Variants in SMARCB1 observed in about 807,000 individuals in gnomAD.
The protein encoded by SMARCB1 is SWI/SNF-related matrix-associated actin-dependent regulator of chromatin subfamily B member 1.
In SMARCB1, 5 loss-of-function variants were observed where a neutral mutation model predicts 49.0. The observed-to-expected ratio is 0.10, with a 90% CI of 0.05 to 0.21. The LOEUF (loss-of-function observed/expected upper bound fraction) is 0.21. Among genes scored for constraint, SMARCB1 ranks in the 10% least tolerant of loss-of-function variants. SMARCB1 has a pLI of 1.00. For missense variants in SMARCB1, 226 were observed against 509.2 expected (o/e 0.44, Z 5.35); for synonymous variants, 201 against 200.1 (o/e 1.00, Z -0.04).
At chr22:23,812,531 A>G (rs1929939729) in intron 5 of SMARCB1, among the ~76,000 whole-genome samples, 1 of 152,210 alleles carries the variant, frequency 6.6e-6, no homozygotes, top group Non-Finnish European at 1.5e-5. Flanking sequence ...AAAAAAAGAA[A>G]AATACAGACC....
At chr22:23,822,034 G>C (rs9612468) in intron 6 of SMARCB1, among the ~76,000 whole-genome samples, 1 of 152,100 alleles carries the variant, frequency 6.6e-6, no homozygotes, top group Non-Finnish European at 1.5e-5. Flanking sequence ...GACGTCCTTT[G>C]TCTTGATCCT....
Position 23,836,725 on chromosome 22 carries a change from C to T in SMARCB1, c.*2545C>T. 1 of 1,357,246 alleles carries T rather than the reference C, an allele frequency of 7.4e-7. No homozygotes were observed. Among genetic ancestry groups the T allele is most frequent in the Non-Finnish European group, 9.4e-7 (1 of 1,060,814 alleles). The allele number at this position is 1,357,246 out of a possible 1,614,324, so 84.1% of individuals were successfully genotyped here. A position where few individuals can be genotyped will look rare whatever the true frequency, so the allele number is the denominator to read the frequency against. On this transcript the variant is annotated 3_prime_UTR_variant, in exon 9 of 9. Transcript: ENST00000644036. The stretch of plus-strand genomic sequence containing the variant: ...GAGATGGGGAAGCCAGTGCTGTGGG[C>T]CAAGAGACTGCAGCTCATTCTGTTT...
At chr22:23,819,792 G>A (rs550998965) in intron 6 of SMARCB1, among the ~76,000 whole-genome samples, 6 of 151,578 alleles carry the variant, frequency 4.0e-5, no homozygotes, top group Admixed American at 4.0e-4. Context: ...AGGGGTTCCA[G>A]TTTCTCCACA....
At chr22:23,788,177 T>A (rs1443917002) in intron 1 of SMARCB1, among the ~76,000 whole-genome samples, 1 of 152,058 alleles carries the variant, frequency 6.6e-6, no homozygotes, top group Non-Finnish European at 1.5e-5. Flanking sequence ...CCCGGCCATA[T>A]ATTAGGTTTT....
chr22:23,802,832 C>T (rs746444888), intron 4 of SMARCB1: 5 of 306,406 alleles, frequency 1.6e-5, no homozygotes, highest in South Asian at 3.0e-5. Context: ...CTTCGACACC[C>T]GCTAGCTTTG....
intron 5 of SMARCB1, among the ~76,000 whole-genome samples, chr22:23,809,945 C>T (rs1483360165): frequency 2.7e-5 from 4 of 150,664 alleles, no homozygotes; most frequent in Admixed American, 1.3e-4. Flanking sequence ...CCGAGGCGGG[C>T]GGATCACGAG....
chr22:23,800,856 G>C, intron 3 of SMARCB1, 88 bp from the exon 4 acceptor site: 2 of 1,023,100 alleles, frequency 2.0e-6, no homozygotes, highest in Non-Finnish European at 3.1e-6. Flanking sequence ...CAGAGGTACA[G>C]TGGGCATCCC....
chr22:23,811,516 AGAATT>A (rs1223268364), intron 5 of SMARCB1, among the ~76,000 whole-genome samples: 3 of 152,264 alleles, frequency 2.0e-5, no homozygotes, highest in Non-Finnish European at 4.4e-5. Context: ...ACAAATTTAA[AGAATT>A]GAAACCATAC....
At chr22:23,828,649 C>CA (rs1443487998) in intron 7 of SMARCB1, among the ~76,000 whole-genome samples, 2 of 151,452 alleles carry the variant, frequency 1.3e-5, no homozygotes, top group Admixed American at 6.6e-5. Context: ...GACTCCATCT[C>CA]AAAAAAAAGG....
intron 7 of SMARCB1, among the ~76,000 whole-genome samples, chr22:23,827,015 A>T (rs949591354): frequency 1.3e-5 from 2 of 152,090 alleles, no homozygotes; most frequent in Non-Finnish European, 2.9e-5. Flanking sequence ...GCGTGCATTC[A>T]CCCTGCACAG....
chr22:23,792,567 C>T (rs538274751), intron 2 of SMARCB1: 46 of 171,044 alleles, frequency 2.7e-4, no homozygotes, highest in African/African-American at 7.4e-4. Flanking sequence ...CTGCTTCCCA[C>T]GTGGCAATGG....
At chr22:23,797,418 C>G (rs1568939590) in intron 3 of SMARCB1, among the ~76,000 whole-genome samples, 2 of 151,448 alleles carry the variant, frequency 1.3e-5, no homozygotes, top group Non-Finnish European at 2.9e-5. Flanking sequence ...ACACCATTCT[C>G]CTGCCTCAGC....
At chr22:23,794,651 C>T (rs1358395604) in intron 3 of SMARCB1, among the ~76,000 whole-genome samples, 1 of 152,170 alleles carries the variant, frequency 6.6e-6, no homozygotes, top group African/African-American at 2.4e-5. Context: ...GTAATCCCAG[C>T]AGTTTGGGAG....
chr22:23,814,520 CTGGGCGTGG>C (rs781007898), intron 5 of SMARCB1, among the ~76,000 whole-genome samples: 6 of 151,684 alleles, frequency 4.0e-5, no homozygotes, highest in Non-Finnish European at 8.8e-5. Context: ...ACACAATTAG[CTGGGCGTGG>C]TGGCGCATGC....
At chr22:23,794,791 G>A (rs1006033922) in intron 3 of SMARCB1, among the ~76,000 whole-genome samples, 2 of 152,014 alleles carry the variant, frequency 1.3e-5, no homozygotes, top group Non-Finnish European at 2.9e-5. Context: ...CCAGCTACTC[G>A]GGAGCCTGAG....
intron 7 of SMARCB1, among the ~76,000 whole-genome samples, chr22:23,831,861 G>A (rs1178809626): frequency 6.6e-6 from 1 of 152,190 alleles, no homozygotes; most frequent in African/African-American, 2.4e-5. Flanking sequence ...TGCTGGCCAG[G>A]GACCAGCTGT....
rs1178388843 is a variant in SMARCB1 at position 23,789,538 on chromosome 22, A to G, written c.94-2218A>G. On this transcript the variant is annotated intron_variant, in intron 1 of 8. Coordinates refer to ENST00000644036, the MANE Select transcript of SMARCB1 (RefSeq NM_003073.5). Reference sequence around the variant, plus strand: ...GCTCTGCCTTGCTGTCGTGTTTCTCATGTGTATAATGTGATGCTTAGACTA... The same window carrying G: ...GCTCTGCCTTGCTGTCGTGTTTCTCGTGTGTATAATGTGATGCTTAGACTA... 5.3e-5 allele frequency among the ~76,000 whole-genome samples: 8 copies of G among 152,190 alleles called. No individual in the cohort carries two copies. In the East Asian group the frequency reaches 1.3e-3, roughly 26 times the overall value.
intron 3 of SMARCB1, among the ~76,000 whole-genome samples, chr22:23,797,123 C>T (rs1465292252): frequency 6.7e-6 from 1 of 148,946 alleles, no homozygotes; most frequent in African/African-American, 2.5e-5. Flanking sequence ...CTCAGCCTCC[C>T]GAGTAGCTGG....
At chr22:23,806,984 G>A (rs1488329029) in intron 5 of SMARCB1, among the ~76,000 whole-genome samples, 3 of 151,532 alleles carry the variant, frequency 2.0e-5, no homozygotes, top group Non-Finnish European at 2.9e-5. Context: ...GTTGTGATGA[G>A]TTTGAGGTTA....
Sources: allele counts gnomAD v4.1 joint callset (sites outside exome capture counted in the v4.1 genomes callset), GRCh38; gene constraint gnomAD v4.1.1; transcripts MANE v1.5; gene names NCBI Gene and HGNC (gene_info 2026-07-23, HGNC 2026-07-21).